OR2AT4: variants seen among roughly 807,000 people sequenced by gnomAD.
OR2AT4 encodes the protein olfactory receptor family 2 subfamily AT member 4.
In OR2AT4, 6 loss-of-function variants were observed where a neutral mutation model predicts 10.3. That is an observed-to-expected ratio of 0.58 (90% CI 0.32 to 1.15). The LOEUF (loss-of-function observed/expected upper bound fraction) is 1.15, where lower values mean the gene tolerates loss of function less well. Among genes scored for constraint, OR2AT4 ranks in the 50% most tolerant of loss-of-function variants. The probability of loss-of-function intolerance (pLI) is 0.05; values close to 1 mark genes in which losing one functional copy is unlikely to be tolerated. For synonymous variants in OR2AT4, 145 were observed against 159.1 expected, an observed-to-expected ratio of 0.91 and a Z score of 0.67; for missense variants, 354 against 393.8, an observed-to-expected ratio of 0.90 and a Z score of 0.85.
At chr11:75,096,100 C>CT (rs1321534633) in intron 1 of OR2AT4, 3 of 152,208 alleles carry the variant, frequency 2.0e-5, no homozygotes, top group Non-Finnish European at 4.4e-5. Context: ...TTGAGCTCTC[C>CT]TGGACCAGCT....
chr11:75,095,384 T>C (rs890490639), intron 1 of OR2AT4, among the ~76,000 whole-genome samples: 2 of 152,318 alleles, frequency 1.3e-5, no homozygotes, highest in South Asian at 4.1e-4. Flanking sequence ...CCAAGAGATC[T>C]TCTATGGTCC....
exon 2 of OR2AT4, chr11:75,083,280 C>G (rs1949274396): frequency 6.6e-6 from 1 of 151,944 alleles, no homozygotes; most frequent in African/African-American, 2.4e-5. Context: ...ATATAAGCAG[C>G]CAACAGACAT....
exon 2 of OR2AT4, chr11:75,085,064 A>G (rs1949283614): frequency 6.6e-6 from 1 of 152,106 alleles, no homozygotes; most frequent in Non-Finnish European, 1.5e-5. Flanking sequence ...TGAAAACAGG[A>G]AAATGAGAAG....
intron 1 of OR2AT4, among the ~76,000 whole-genome samples, chr11:75,094,025 G>T (rs992073965): frequency 4.0e-5 from 6 of 151,696 alleles, no homozygotes; most frequent in African/African-American, 1.5e-4. Context: ...GTTTCACCAT[G>T]TTGGCTGGGC....
At chr11:75,090,048 C>T (rs953350491) in exon 2 of OR2AT4, 1 of 245,342 alleles carries the variant, frequency 4.1e-6, no homozygotes, top group African/African-American at 2.2e-5. Context: ...TTATATTTTA[C>T]TGGGAAAATC....
intron 1 of OR2AT4, among the ~76,000 whole-genome samples, chr11:75,093,792 TTTTTTCTTTTTC>T (rs1395537183): frequency 8.0e-6 from 1 of 125,534 alleles, no homozygotes. Flanking sequence ...CTCTTTTCTT[TTTTTTCTTTTTC>T]TTTTTCTTTT....
chr11:75,094,752 A>G (rs1949338213), intron 1 of OR2AT4, among the ~76,000 whole-genome samples: 1 of 152,192 alleles, frequency 6.6e-6, no homozygotes, highest in African/African-American at 2.4e-5. Flanking sequence ...TGTCTTTTAA[A>G]CAAAACAAAT....
chr11:75,084,579 A>T (rs1747133280), exon 2 of OR2AT4: 2 of 152,220 alleles, frequency 1.3e-5, no homozygotes, highest in African/African-American at 2.4e-5. Context: ...AACATTCACC[A>T]AGGTAGGTCA....
exon 2 of OR2AT4, chr11:75,088,645 A>G (rs1296681542): frequency 1.8e-6 from 2 of 1,093,604 alleles, no homozygotes; most frequent in Non-Finnish European, 2.4e-6. Flanking sequence ...ACAACTTAAG[A>G]TTCCAATAAA....
intron 1 of OR2AT4, among the ~76,000 whole-genome samples, chr11:75,090,790 A>C (rs1049332338): frequency 1.3e-5 from 2 of 151,812 alleles, no homozygotes; most frequent in African/African-American, 4.9e-5. Flanking sequence ...TAAAAGACAA[A>C]ACAAAATCTC....
At chr11:75,081,797 G>A (rs1949268578) in exon 2 of OR2AT4, 2 of 151,892 alleles carry the variant, frequency 1.3e-5, no homozygotes, top group Admixed American at 1.3e-4. Context: ...ACAAGCACAA[G>A]AAACCTAGGA....
At chr11:75,089,436 C>T in exon 2 of OR2AT4, 1 of 1,614,060 alleles carries the variant, frequency 6.2e-7, no homozygotes, top group Non-Finnish European at 8.5e-7. Flanking sequence ...GAAGCGGTCC[C>T]CAAGCAAGAA....
At chr11:75,088,997 C>A in exon 2 of OR2AT4, 1 of 1,614,136 alleles carries the variant, frequency 6.2e-7, no homozygotes. Flanking sequence ...AGGCTTTTGC[C>A]CGTCCTTCTA....
chr11:75,093,810 C>CTTTTTTTTTTTTTTTTTTT (rs556380402), intron 1 of OR2AT4, among the ~76,000 whole-genome samples: 19 of 61,806 alleles, frequency 3.1e-4, no homozygotes, highest in African/African-American at 3.5e-4. Flanking sequence ...TTTTCTTTTT[C>CTTTTTTTTTTTTTTTTTTT]TTTTTTTTTT....
At position 75,090,125 on chromosome 11, in the gene OR2AT4, C is replaced by T. The variant is rs1467758173; in HGVS notation, c.-412G>A. ...CTTTGGAAAGGCTTCTTCTGGTCTT[C>T]ATCTTAGTTTCCATGCTGTGTGGTT... On this transcript the variant is annotated 5_prime_UTR_variant, in exon 2 of 2. An upstream start codon of the reference 5' UTR is lost. Transcript: ENST00000641504. The T allele has an allele frequency of 5.7e-6, 1 of 173,926 alleles. No homozygotes were observed. The highest frequency in any genetic ancestry group is 1.5e-4 in the East Asian group (1 of 6,518). The allele number at this position is 173,926 out of a possible 1,614,324, so 10.8% of individuals were successfully genotyped here.
rs199686791 is a variant in OR2AT4, at chr11:75,089,431, G to A, written c.283C>T (p.Arg95Cys). The A allele has an allele frequency of 6.8e-6, 11 of 1,614,036 alleles. No individual in the cohort carries two copies. The East Asian group carries it at 1.3e-4, about 20-fold the overall frequency. The change falls in exon 2 of 2, where the codon CGC becomes TGC. Residue 95 changes from arginine (R) to cysteine (C), a missense_variant. Transcript: ENST00000641504. ...AAGCAGGAAGAAAAGCTGAGGAAGC[G>A]GTCCCCAAGCAAGAATAAGGACAGC...
In OR2AT4 at chr11:75,089,967, C is replaced by A. The variant is rs555379065; in HGVS notation, c.-254G>T. ...AATTAATAACCAACCAAATAGAAGT[C>A]TGTATGCTTTGTTTAGGTGATGAAG... On this transcript the variant is annotated 5_prime_UTR_variant, in exon 2 of 2. Coordinates refer to ENST00000641504, the Ensembl canonical transcript of OR2AT4. 8.7e-6 allele frequency: 4 copies of A among 460,376 alleles called. No homozygotes were observed. In the East Asian group the frequency reaches 1.3e-4, roughly 15 times the overall value. 28.5% of individuals were successfully genotyped at this position (460,376 alleles called of 1,614,324 possible). A position where few individuals can be genotyped will look rare whatever the true frequency, so the allele number is the denominator to read the frequency against.
exon 2 of OR2AT4, chr11:75,087,579 CCT>C (rs1949296751): frequency 2.0e-5 from 3 of 152,276 alleles, no homozygotes; most frequent in Middle Eastern, 3.4e-3. Context: ...CAGAGCAAGG[CCT>C]CTTCTCAGAA....
At chr11:75,088,909 C>A (rs945144623) in exon 2 of OR2AT4, 7 of 1,614,026 alleles carry the variant, frequency 4.3e-6, no homozygotes, top group Non-Finnish European at 5.9e-6. Flanking sequence ...GGCAGGTCAG[C>A]CCTGTAGGCC....
Sources: allele counts gnomAD v4.1 joint callset (sites outside exome capture counted in the v4.1 genomes callset), GRCh38; gene constraint gnomAD v4.1.1; transcripts MANE v1.5; gene names NCBI Gene and HGNC (gene_info 2026-07-23, HGNC 2026-07-21).